TCF7: variants seen among roughly 807,000 people sequenced by gnomAD.
TCF7 encodes the protein transcription factor 7.
Under a neutral mutation model 46.8 loss-of-function variants are expected in TCF7, and 19 were observed. That is an observed-to-expected ratio of 0.41 (90% CI 0.28 to 0.60). The LOEUF (loss-of-function observed/expected upper bound fraction) is 0.60. Among genes scored for constraint, TCF7 ranks in the 20% least tolerant of loss-of-function variants. The pLI is 0.35. For synonymous variants in TCF7, 245 were observed against 213.4 expected, an observed-to-expected ratio of 1.15 and a Z score of -1.29; for missense variants, 547 against 504.6, an observed-to-expected ratio of 1.08 and a Z score of -0.81.
At chr5:134,108,373 C>T in the TCF7 span, among the ~76,000 whole-genome samples, 2 of 152,178 alleles carry the variant, frequency 1.3e-5, no homozygotes, top group Admixed American at 6.5e-5. Context: ...GATGAAGGTG[C>T]CATGATCCCA....
In TCF7 at chr5:134,138,175, G is replaced by A. The variant is rs1275191156; in HGVS notation, c.547+11G>A. The stretch of plus-strand genomic sequence containing the variant: ...TCAGCCAGAAGCAAGGTACAAGCCT[G>A]GGATGGGGAGGGGCCCAGTGAAACC... On this transcript the variant is annotated intron_variant, in intron 4 of 9. Coordinates refer to ENST00000342854, the MANE Select transcript of TCF7 (RefSeq NM_003202.5). 6.2e-7 allele frequency: 1 copy of A among 1,609,766 alleles called. No homozygotes were observed. The highest frequency in any genetic ancestry group is 1.3e-5 in the African/African-American group (1 of 74,762).
Position 134,147,474 on chromosome 5 carries a change from C to G in TCF7, c.*1171C>G, listed in dbSNP as rs1171382457. Reference sequence around the variant, plus strand: ...CAGCCAGAGCCTGTCTTTCAGCATTCAGTCCGCCTGGCCGGCTCCAGTTTC... The same window carrying G: ...CAGCCAGAGCCTGTCTTTCAGCATTGAGTCCGCCTGGCCGGCTCCAGTTTC... On this transcript the variant is annotated 3_prime_UTR_variant, in exon 10 of 10. Transcript: ENST00000342854. The G allele has an allele frequency of 1.3e-5, 2 of 152,690 alleles. No homozygotes were observed. The highest frequency in any genetic ancestry group is 4.8e-5 in the African/African-American group (2 of 41,458). The allele number at this position is 152,690 out of a possible 1,614,324, so 9.5% of individuals were successfully genotyped here.
At chr5:134,140,875 G>A (rs548852061) in intron 5 of TCF7, 94 of 434,646 alleles carry the variant, frequency 2.2e-4, no homozygotes, top group Middle Eastern at 3.3e-4. Flanking sequence ...AGCCCCTGGC[G>A]CCCCCTACCC....
At chr5:134,122,492 A>G (rs1360841523) in intron 3 of TCF7, among the ~76,000 whole-genome samples, 1 of 152,028 alleles carries the variant, frequency 6.6e-6, no homozygotes, top group East Asian at 1.9e-4. Context: ...GCTGAAGCAG[A>G]TGAGGGTGGC....
chr5:134,140,832 C>T (rs897119897), intron 5 of TCF7: 19 of 454,980 alleles, frequency 4.2e-5, no homozygotes, highest in Admixed American at 1.4e-4. Flanking sequence ...CCCCTTCCTG[C>T]GGATATAGAC....
At position 134,114,847 on chromosome 5, in the gene TCF7, GGCTCCGCGCCCCGCACTCCCGGC is replaced by G; in HGVS notation, c.-57_-35del. 1.0e-6 allele frequency: 1 copy of G among 981,860 alleles called. No homozygotes were observed. Among genetic ancestry groups the G allele is most frequent in the Non-Finnish European group, 1.2e-6 (1 of 829,148 alleles). 60.8% of individuals were successfully genotyped at this position (981,860 alleles called of 1,614,324 possible). ...CTCCGGGCTCGCCGCCCCCCGGGCC[GGCTCCGCGCCCCGCACTCCCGGC>G]GCCCAGCGCCCCGCGCCCCGGCGGG... is the stretch of plus-strand genomic sequence containing the variant. On this transcript the variant is annotated 5_prime_UTR_variant, in exon 1 of 10. Transcript: ENST00000342854.
At chr5:134,116,412 C>T (rs558003925) in intron 3 of TCF7, among the ~76,000 whole-genome samples, 2 of 152,344 alleles carry the variant, frequency 1.3e-5, no homozygotes, top group Admixed American at 1.3e-4. Context: ...TTCTAACTAG[C>T]CCAGGAAACC....
At chr5:134,115,206 G>A in intron 1 of TCF7, 51 bp downstream of exon 1, 1 of 1,143,338 alleles carries the variant, frequency 8.7e-7, no homozygotes, top group Non-Finnish European at 1.1e-6. Flanking sequence ...GCGCCGCGCC[G>A]CCCCAGTTGC....
intron 5 of TCF7, chr5:134,140,735 AAGTCTTTCCTCGTGTCTGGCCAGC>A: frequency 2.2e-6 from 1 of 452,494 alleles, no homozygotes; most frequent in South Asian, 1.6e-5. Flanking sequence ...CAAGGTAGGG[AAGTCTTTCCTCGTGTCTGGCCAGC>A]AGCCAGACTG....
At chr5:134,142,685 G>C (rs1394658253) in intron 6 of TCF7, 36 bp from the exon 7 acceptor site, 1 of 1,609,240 alleles carries the variant, frequency 6.2e-7, no homozygotes, top group Non-Finnish European at 8.5e-7. Flanking sequence ...TGGGCACTCG[G>C]GGGGCTCCTG....
At chr5:134,110,357 C>T (rs115531639), upstream of TCF7, among the ~76,000 whole-genome samples, 2,535 of 152,272 alleles carry the variant, frequency 0.017, 75 homozygotes, top group African/African-American at 0.058. Context: ...GAAGAAAGAA[C>T]TGACCCCAAA....
intron 3 of TCF7, among the ~76,000 whole-genome samples, chr5:134,121,966 C>G (rs950909886): frequency 6.6e-6 from 1 of 152,196 alleles, no homozygotes; most frequent in African/African-American, 2.4e-5. Flanking sequence ...GCCTTTGTTG[C>G]TCTGCATTGA....
At chr5:134,121,089 T>TA in intron 3 of TCF7, among the ~76,000 whole-genome samples, 1 of 152,222 alleles carries the variant, frequency 6.6e-6, no homozygotes, top group South Asian at 2.1e-4. Context: ...GCCGCCTACT[T>TA]ACTGCCCTGC....
At chr5:134,144,921 C>T in intron 9 of TCF7, 1 of 1,510,974 alleles carries the variant, frequency 6.6e-7, no homozygotes, top group Non-Finnish European at 9.2e-7. Context: ...GCTTCCCTGA[C>T]TCTGCACATG....
At position 134,144,864 on chromosome 5, in the gene TCF7, G is replaced by C. The variant is rs756918064; in HGVS notation, c.1075+1224G>C. The C allele has an allele frequency of 3.7e-6, 6 of 1,613,902 alleles. No homozygotes were observed. The African/African-American group carries it at 6.7e-5, about 18-fold the overall frequency. On this transcript the variant is annotated intron_variant, in intron 9 of 9. Coordinates refer to ENST00000342854, the MANE Select transcript of TCF7 (RefSeq NM_003202.5). ...ACCAGCAGACGGATTGGTGTGGTCCGTGCAGGTGGGTTTGTCCCCACCATC... is the reference window on the plus strand; with the variant it reads ...ACCAGCAGACGGATTGGTGTGGTCCCTGCAGGTGGGTTTGTCCCCACCATC...
intron 3 of TCF7, among the ~76,000 whole-genome samples, chr5:134,126,947 C>A (rs1348457865): frequency 6.6e-6 from 1 of 151,998 alleles, no homozygotes; most frequent in Non-Finnish European, 1.5e-5. Context: ...ATTATTGTGG[C>A]CTCCCTTTTT....
intron 9 of TCF7, chr5:134,145,920 G>C: frequency 6.6e-7 from 1 of 1,516,206 alleles, no homozygotes; most frequent in Non-Finnish European, 8.8e-7. Flanking sequence ...TCAAAGGCCG[G>C]GACTGGGAGA....
intron 3 of TCF7, among the ~76,000 whole-genome samples, chr5:134,127,569 A>C (rs991657148): frequency 6.6e-6 from 1 of 152,220 alleles, no homozygotes; most frequent in Non-Finnish European, 1.5e-5. Context: ...GCTCTGAGTC[A>C]TGGGAAATGG....
intron 9 of TCF7, chr5:134,144,510 C>G (rs767638285): frequency 1.9e-5 from 8 of 426,868 alleles, no homozygotes; most frequent in African/African-American, 1.6e-4. Context: ...TGCAAGGGCC[C>G]CACAAGCCAC....
Sources: gnomAD v4.1 joint callset for allele counts (sites outside exome capture counted in the v4.1 genomes callset) on GRCh38, gnomAD v4.1.1 for gene constraint, MANE v1.5 for transcripts, NCBI Gene and HGNC (gene_info 2026-07-23, HGNC 2026-07-21) for gene names.